Variants in PKD2 observed in about 807,000 individuals in gnomAD.
PKD2 encodes the protein polycystin 2, transient receptor potential cation channel.
PKD2 carries 48 observed loss-of-function variants against 105.9 expected under a neutral mutation model. The ratio of observed to expected loss-of-function variants is 0.45; its 90% CI spans 0.36 to 0.58. The LOEUF (loss-of-function observed/expected upper bound fraction) is 0.58, where lower values mean the gene tolerates loss of function less well. Ranked by LOEUF, PKD2 falls within the 20% of genes least tolerant of loss-of-function variation. PKD2 has a pLI of 0.00. For missense variants in PKD2, 1,078 were observed against 1,255.3 expected (o/e 0.86, Z 2.13); for synonymous variants, 464 against 481.1 (o/e 0.96, Z 0.46).
intron 13 of PKD2, among the ~76,000 whole-genome samples, chr4:88,071,311 A>T (rs1038847327): frequency 2.0e-5 from 3 of 152,072 alleles, no homozygotes; most frequent in African/African-American, 4.8e-5. Context: ...CAGGCTCCCA[A>T]AGTGCTGGGA....
At chr4:88,054,082 C>A (rs1467468547) in intron 7 of PKD2, among the ~76,000 whole-genome samples, 4 of 151,566 alleles carry the variant, frequency 2.6e-5, no homozygotes. Flanking sequence ...TAATAATAAT[C>A]AAGATAGTAA....
intron 2 of PKD2, among the ~76,000 whole-genome samples, chr4:88,022,701 G>A (rs1726795319): frequency 6.6e-6 from 1 of 152,202 alleles, no homozygotes; most frequent in Admixed American, 6.5e-5. Context: ...TACTCTGTAT[G>A]TAAATGAGAT....
intron 9 of PKD2, among the ~76,000 whole-genome samples, chr4:88,061,443 A>G (rs1720567291): frequency 6.6e-6 from 1 of 152,174 alleles, no homozygotes; most frequent in Non-Finnish European, 1.5e-5. Context: ...AAAACTGTTA[A>G]TTTATTACAT....
chr4:88,069,069 T>C (rs1400513860), intron 13 of PKD2, among the ~76,000 whole-genome samples: 1 of 152,142 alleles, frequency 6.6e-6, no homozygotes, highest in Non-Finnish European at 1.5e-5. Context: ...AGTAAAATTC[T>C]TTGTTTTAAG....
intron 9 of PKD2, 109 bp downstream of exon 9, chr4:88,058,212 AG>A: frequency 1.4e-6 from 1 of 727,386 alleles, no homozygotes; most frequent in Non-Finnish European, 2.4e-6. Flanking sequence ...AGACCCAGGA[AG>A]TAGAAAAAAG....
chr4:88,070,077 T>A (rs192784731), intron 13 of PKD2, among the ~76,000 whole-genome samples: 1 of 152,216 alleles, frequency 6.6e-6, no homozygotes, highest in Non-Finnish European at 1.5e-5. Context: ...AAGAATTTCC[T>A]TTAGTATTTT....
Sources: gnomAD v4.1 joint callset for allele counts (sites outside exome capture counted in the v4.1 genomes callset) on GRCh38, gnomAD v4.1.1 for gene constraint, MANE v1.5 for transcripts, NCBI Gene and HGNC (gene_info 2026-07-23, HGNC 2026-07-21) for gene names.